Variants in TRAPPC9 observed in about 807,000 individuals in gnomAD.
The protein encoded by TRAPPC9 is IKK2 binding protein.
Under a neutral mutation model 124.0 loss-of-function variants are expected in TRAPPC9, and 83 were observed. That is an observed-to-expected ratio of 0.67 (90% CI 0.56 to 0.80). TRAPPC9 has a LOEUF of 0.80. Ranked by LOEUF, TRAPPC9 falls within the 30% of genes least tolerant of loss-of-function variation. The pLI, the probability that TRAPPC9 is intolerant of heterozygous loss-of-function variation, is 0.00. For synonymous variants in TRAPPC9, 638 were observed against 617.5 expected, an observed-to-expected ratio of 1.03 and a Z score of -0.49; for missense variants, 1,302 against 1,508.3, an observed-to-expected ratio of 0.86 and a Z score of 2.27.
intron 16 of TRAPPC9, among the ~76,000 whole-genome samples, chr8:140,224,000 T>C (rs1457060145): frequency 6.6e-6 from 1 of 152,034 alleles, no homozygotes; most frequent in African/African-American, 2.4e-5. Flanking sequence ...ATAAGAAAAA[T>C]GACAAACTGA....
chr8:140,177,340 G>T (rs988255490), intron 17 of TRAPPC9, among the ~76,000 whole-genome samples: 1 of 152,098 alleles, frequency 6.6e-6, no homozygotes, highest in African/African-American at 2.4e-5. Flanking sequence ...AAGGGTCGGA[G>T]TTAATTTTTG....
At chr8:139,829,439 A>G (rs10101212) in intron 21 of TRAPPC9, among the ~76,000 whole-genome samples, 87,914 of 152,212 alleles carry the variant, frequency 0.58, 28,352 homozygotes, top group African/African-American at 0.86. Context: ...ACCACCTGAC[A>G]TGGGTCTCCC....
chr8:140,261,803 C>A (rs76495422), intron 15 of TRAPPC9, among the ~76,000 whole-genome samples: 2,222 of 152,260 alleles, frequency 0.015, 59 homozygotes, highest in African/African-American at 0.05. Context: ...ATAGTCATGG[C>A]TGCAGGATGC....
chr8:139,763,647 C>A (rs989787244), intron 21 of TRAPPC9, among the ~76,000 whole-genome samples: 1 of 152,226 alleles, frequency 6.6e-6, no homozygotes, highest in African/African-American at 2.4e-5. Context: ...CATGTGCACA[C>A]AGGCACATGC....
chr8:139,787,317 A>T (rs1822330524), intron 21 of TRAPPC9, among the ~76,000 whole-genome samples: 1 of 152,120 alleles, frequency 6.6e-6, no homozygotes, highest in South Asian at 2.1e-4. Flanking sequence ...GGTGGGGGGC[A>T]GATGTGGCTG....
At chr8:140,170,229 C>T (rs888341301) in intron 17 of TRAPPC9, among the ~76,000 whole-genome samples, 2 of 152,178 alleles carry the variant, frequency 1.3e-5, no homozygotes, top group African/African-American at 4.8e-5. Context: ...CTATGTCACA[C>T]ATGTGAGAGC....
At chr8:139,790,272 G>A (rs138467966) in intron 21 of TRAPPC9, among the ~76,000 whole-genome samples, 281 of 152,354 alleles carry the variant, frequency 1.8e-3, no homozygotes, top group African/African-American at 6.5e-3. Flanking sequence ...CTCTGCTGCC[G>A]CTGACGCAGA....
chr8:140,326,327 C>T (rs2066737304), intron 9 of TRAPPC9, among the ~76,000 whole-genome samples: 1 of 152,062 alleles, frequency 6.6e-6, no homozygotes, highest in Non-Finnish European at 1.5e-5. Context: ...GGTGACTCTG[C>T]CTTGTGCTCC....
intron 17 of TRAPPC9, among the ~76,000 whole-genome samples, chr8:140,043,741 T>G (rs2132042850): frequency 6.6e-6 from 1 of 152,292 alleles, no homozygotes; most frequent in South Asian, 2.1e-4. Flanking sequence ...AGAGCCCAGC[T>G]TCCTGAAGCT....
intron 17 of TRAPPC9, among the ~76,000 whole-genome samples, chr8:140,218,624 G>C (rs974527378): frequency 1.3e-5 from 2 of 151,848 alleles, no homozygotes; most frequent in East Asian, 3.9e-4. Context: ...ACTTTATTTG[G>C]ATCAGAGGGT....
intron 21 of TRAPPC9, among the ~76,000 whole-genome samples, chr8:139,855,041 T>A (rs1827716190): frequency 6.6e-6 from 1 of 152,208 alleles, no homozygotes; most frequent in African/African-American, 2.4e-5. Context: ...GATGCGTCAA[T>A]GATTAAACCA....
At chr8:139,939,962 A>T (rs1833802160) in intron 19 of TRAPPC9, among the ~76,000 whole-genome samples, 1 of 152,258 alleles carries the variant, frequency 6.6e-6, no homozygotes. Context: ...TCTCGAGAGA[A>T]CCAGAAACGA....
intron 20 of TRAPPC9, among the ~76,000 whole-genome samples, chr8:139,909,073 A>G (rs986752967): frequency 2.6e-5 from 4 of 152,192 alleles, no homozygotes; most frequent in African/African-American, 9.7e-5. Context: ...AATTGGCCTC[A>G]GGTTCTGGAA....
At chr8:140,320,492 G>A (rs1182602965) in intron 9 of TRAPPC9, among the ~76,000 whole-genome samples, 8 of 152,078 alleles carry the variant, frequency 5.3e-5, no homozygotes, top group African/African-American at 1.7e-4. Context: ...GGGAGGCCAC[G>A]CCAAACGTCC....
chr8:140,283,891 G>A lies in TRAPPC9; in HGVS notation c.2112C>T (p.Pro704=), dbSNP rs1156690052. Residue 704 remains proline (P), a splice_region_variant and synonymous_variant, in exon 14 of 23, where the codon CCC becomes CCT. Transcript: ENST00000438773. Reference sequence around the variant, plus strand: ...TCTGTGACCCTCGTGCACACTACCTGGGCAGAGAGGTGCTGATCTGCAGTC... The same window carrying A: ...TCTGTGACCCTCGTGCACACTACCTAGGCAGAGAGGTGCTGATCTGCAGTC... ...LPRLQISTSL[P]RSAHSLQPSS... is the part of the protein sequence containing the mutation. 2.5e-6 allele frequency: 4 copies of A among 1,613,908 alleles called. No homozygotes were observed. The highest frequency in any genetic ancestry group is 1.7e-5 in the Admixed American group (1 of 59,996).
intron 16 of TRAPPC9, among the ~76,000 whole-genome samples, chr8:140,225,524 T>G (rs2063428867): frequency 6.6e-6 from 1 of 152,226 alleles, no homozygotes; most frequent in Non-Finnish European, 1.5e-5. Context: ...CTCAGCACCA[T>G]GGACACAATT....
intron 17 of TRAPPC9, among the ~76,000 whole-genome samples, chr8:140,055,102 G>C (rs1842222097): frequency 6.6e-6 from 1 of 152,090 alleles, no homozygotes; most frequent in South Asian, 2.1e-4. Flanking sequence ...AAAACTACAG[G>C]CTAATAACCC....
chr8:139,958,671 G>C (rs1587342994), intron 19 of TRAPPC9, among the ~76,000 whole-genome samples: 1 of 152,168 alleles, frequency 6.6e-6, no homozygotes, highest in African/African-American at 2.4e-5. Context: ...CGACCACTCT[G>C]TAGCCCCAGG....
intron 19 of TRAPPC9, among the ~76,000 whole-genome samples, chr8:139,986,202 C>T (rs1837231859): frequency 6.6e-6 from 1 of 152,126 alleles, no homozygotes. Flanking sequence ...AGGACTGTGC[C>T]ACTGCACTCC....
Sources: gnomAD v4.1 joint callset for allele counts (sites outside exome capture counted in the v4.1 genomes callset) on GRCh38, gnomAD v4.1.1 for gene constraint, MANE v1.5 for transcripts, NCBI Gene and HGNC (gene_info 2026-07-23, HGNC 2026-07-21) for gene names.